COL25A1: variants seen among roughly 807,000 people sequenced by gnomAD.
COL25A1 encodes collagen alpha-1(XXV) chain.
A neutral mutation model predicts 128.4 loss-of-function variants in COL25A1; 103 were observed. The ratio of observed to expected loss-of-function variants is 0.80; its 90% CI spans 0.68 to 0.94. The LOEUF is 0.94. COL25A1 is among the 40% of genes least tolerant of loss of function. The pLI, the probability that COL25A1 is intolerant of heterozygous loss-of-function variation, is 0.00. For synonymous variants in COL25A1, 279 were observed against 277.2 expected (o/e 1.01, Z -0.06); for missense variants, 745 against 840.0 (o/e 0.89, Z 1.40).
chr4:109,072,526 C>G (rs1579279666), intron 3 of COL25A1, among the ~76,000 whole-genome samples: 1 of 152,130 alleles, frequency 6.6e-6, no homozygotes, highest in Non-Finnish European at 1.5e-5. Context: ...TCACAGGGAT[C>G]CCAGATTTTA....
rs1465595418 is a variant in COL25A1, at chr4:109,183,290, A to G, written c.367+117293T>C. ...TCCCATACCCACCTGCCAAAAATCT[A>G]CAAAGGAGAAAAAAGAGAAGACAAT... On this transcript the variant is annotated intron_variant, in intron 3 of 37. Transcript: ENST00000399132. Among the ~76,000 whole-genome samples the G allele has an allele frequency of 1.3e-5, 2 of 152,142 alleles. 1 individual carries two copies. The highest frequency in any genetic ancestry group is 2.9e-5 in the Non-Finnish European group (2 of 68,008).
At chr4:109,032,356 G>A (rs1378995726) in intron 5 of COL25A1, among the ~76,000 whole-genome samples, 1 of 152,086 alleles carries the variant, frequency 6.6e-6, no homozygotes, top group Admixed American at 6.5e-5. Context: ...ATTAAGCCAG[G>A]CACTGCAGTG....
intron 3 of COL25A1, among the ~76,000 whole-genome samples, chr4:109,199,109 TA>T (rs1578418834): frequency 6.6e-6 from 1 of 152,318 alleles, no homozygotes; most frequent in East Asian, 1.9e-4. Flanking sequence ...ACATTTTTTT[TA>T]TAAGAATTAC....
chr4:109,015,069 T>C (rs920014085), intron 5 of COL25A1, among the ~76,000 whole-genome samples: 2 of 152,218 alleles, frequency 1.3e-5, no homozygotes, highest in Admixed American at 6.5e-5. Context: ...TCTGGTGATA[T>C]GGTAATGGTA....
rs988775737 is a variant in COL25A1, at chr4:109,087,242, G to GA, written c.368-37064dup. ...GTGGCATTACTGTTTCTTTTAGCGTGAAAAAAAAAAAATCAAAACCAAAAA... is the reference window on the plus strand; with the variant it reads ...GTGGCATTACTGTTTCTTTTAGCGTGAAAAAAAAAAAAATCAAAACCAAAAA... On this transcript the variant is annotated intron_variant, in intron 3 of 37. Coordinates refer to ENST00000399132, the MANE Select transcript of COL25A1 (RefSeq NM_198721.4). 1.8e-3 allele frequency among the ~76,000 whole-genome samples: 265 copies of GA among 143,708 alleles called. 1 individual carries two copies. Among genetic ancestry groups the GA allele is most frequent in the Admixed American group, 7.7e-3 (110 of 14,368 alleles). The allele number at this position is 143,708 out of a possible 152,430, so 94.3% of individuals were successfully genotyped here. A position where few individuals can be genotyped will look rare whatever the true frequency, so the allele number is the denominator to read the frequency against.
chr4:109,023,103 A>G (rs1325923950), intron 5 of COL25A1, among the ~76,000 whole-genome samples: 1 of 152,220 alleles, frequency 6.6e-6, no homozygotes, highest in African/African-American at 2.4e-5. Flanking sequence ...ACAACATTCC[A>G]TTCAAGATTC....
intron 8 of COL25A1, among the ~76,000 whole-genome samples, chr4:108,956,422 T>G (rs1750079251): frequency 6.6e-6 from 1 of 152,214 alleles, no homozygotes; most frequent in Admixed American, 6.5e-5. Context: ...TGTTTGTTTT[T>G]GAGACAGAAT....
Position 109,211,290 on chromosome 4 carries a change from CTATATATATATATATATATATA to C in COL25A1, c.367+89271_367+89292del, listed in dbSNP as rs753994624. On this transcript the variant is annotated intron_variant, in intron 3 of 37. Coordinates refer to ENST00000399132, the MANE Select transcript of COL25A1 (RefSeq NM_198721.4). The stretch of plus-strand genomic sequence containing the variant: ...TATATGAAACTATATATATATGAAA[CTATATATATATATATATATATA>C]TATATATATATATATATGAAACAAT... Among the ~76,000 whole-genome samples the C allele has an allele frequency of 2.3e-4, 24 of 102,546 alleles. 1 individual carries two copies. The highest frequency in any genetic ancestry group is 7.6e-4 in the South Asian group (2 of 2,630). 67.3% of individuals were successfully genotyped at this position (102,546 alleles called of 152,430 possible).
chr4:109,244,212 C>T (rs1310420386), intron 3 of COL25A1, among the ~76,000 whole-genome samples: 1 of 151,182 alleles, frequency 6.6e-6, no homozygotes, highest in African/African-American at 2.4e-5. Flanking sequence ...TTCCCTAAGT[C>T]GAGGTAAACC....
At chr4:108,824,941 T>C (rs1232495705) in intron 34 of COL25A1, among the ~76,000 whole-genome samples, 2 of 152,148 alleles carry the variant, frequency 1.3e-5, no homozygotes, top group African/African-American at 2.4e-5. Context: ...TACCCTCAAT[T>C]TGGGAAAGTA....
chr4:109,254,358 T>A (rs1780899969), intron 3 of COL25A1, among the ~76,000 whole-genome samples: 1 of 149,470 alleles, frequency 6.7e-6, no homozygotes, highest in South Asian at 2.1e-4. Context: ...CTGAAGGGGG[T>A]TTAAATCACT....
chr4:108,987,894 C>A (rs1286182987), intron 6 of COL25A1, among the ~76,000 whole-genome samples: 3 of 152,186 alleles, frequency 2.0e-5, no homozygotes, highest in Non-Finnish European at 4.4e-5. Context: ...CCAGACTATC[C>A]TTTGAATATG....
intron 36 of COL25A1, among the ~76,000 whole-genome samples, chr4:108,818,194 A>G (rs1298978929): frequency 6.6e-6 from 1 of 152,176 alleles, no homozygotes; most frequent in African/African-American, 2.4e-5. Context: ...TCCACCAACA[A>G]AATGATCATA....
intron 3 of COL25A1, among the ~76,000 whole-genome samples, chr4:109,247,343 G>GA (rs1250830411): frequency 1.5e-4 from 22 of 149,502 alleles, no homozygotes; most frequent in Admixed American, 1.1e-3. Context: ...GAGCAAGACT[G>GA]AAAAAAAAAG....
intron 31 of COL25A1, among the ~76,000 whole-genome samples, chr4:108,835,206 G>A (rs1048021138): frequency 2.0e-5 from 3 of 152,084 alleles, no homozygotes; most frequent in African/African-American, 7.2e-5. Context: ...ATTAAACAAT[G>A]GCATTTTCAA....
At chr4:109,092,757 A>G (rs1357511157) in intron 3 of COL25A1, among the ~76,000 whole-genome samples, 1 of 152,164 alleles carries the variant, frequency 6.6e-6, no homozygotes, top group Non-Finnish European at 1.5e-5. Context: ...CCCTATATGC[A>G]TACTTACCTT....
intron 31 of COL25A1, among the ~76,000 whole-genome samples, chr4:108,833,116 G>T (rs754362904): frequency 2.0e-5 from 3 of 151,780 alleles, no homozygotes; most frequent in Non-Finnish European, 4.4e-5. Flanking sequence ...AACCGGGCGT[G>T]CTCTGAACTC....
intron 3 of COL25A1, among the ~76,000 whole-genome samples, chr4:109,125,179 C>T (rs1349135246): frequency 6.6e-6 from 1 of 152,112 alleles, no homozygotes; most frequent in East Asian, 1.9e-4. Context: ...CTATCTATTA[C>T]TACAATGTGT....
At chr4:108,863,266 C>G (rs1737479291) in intron 21 of COL25A1, 53 bp downstream of exon 21, 2 of 1,560,214 alleles carry the variant, frequency 1.3e-6, no homozygotes, top group Admixed American at 1.7e-5. Context: ...TTTTTGTGTT[C>G]TAAATCAAAT....
Sources: gnomAD v4.1 joint callset for allele counts (sites outside exome capture counted in the v4.1 genomes callset) on GRCh38, gnomAD v4.1.1 for gene constraint, MANE v1.5 for transcripts, NCBI Gene and HGNC (gene_info 2026-07-23, HGNC 2026-07-21) for gene names.